Variants in CRABP2 observed in about 807,000 individuals in gnomAD.
CRABP2 encodes cellular retinoic acid binding protein 2.
A neutral mutation model predicts 17.9 loss-of-function variants in CRABP2; 20 were observed. The ratio of observed to expected loss-of-function variants is 1.12; its 90% confidence interval spans 0.79 to 1.63. The LOEUF (loss-of-function observed/expected upper bound fraction) is 1.63, where lower values mean the gene tolerates loss of function less well. CRABP2 is among the 40% of genes most tolerant of loss of function. The pLI is 0.00. For missense variants in CRABP2, 151 were observed against 168.6 expected (o/e 0.90, Z 0.58); for synonymous variants, 76 against 66.4 (o/e 1.14, Z -0.70).
At position 156,705,125 on chromosome 1, in the gene CRABP2, C is replaced by T. The variant is rs1164201132; in HGVS notation, c.70+252G>A. ...CCCCTTCCCCCAGAGGCCAACCTCG[C>T]GCTTCTGGTTTCTACGTGATTCACA... On this transcript the variant is annotated intron_variant, in intron 1 of 3. Coordinates refer to ENST00000368222, the MANE Select transcript of CRABP2 (RefSeq NM_001878.4). The surrounding 1 kb of genome is among the most constrained non-coding windows in gnomAD (Gnocchi z 5.2). 6.6e-6 allele frequency among the ~76,000 whole-genome samples: 1 copy of T among 152,230 alleles called. No homozygotes were observed. Among genetic ancestry groups the T allele is most frequent in the African/African-American group, 2.4e-5 (1 of 41,466 alleles).
intron 1 of CRABP2, among the ~76,000 whole-genome samples, chr1:156,702,451 C>CG (rs1648064274): frequency 1.3e-5 from 2 of 149,886 alleles, no homozygotes; most frequent in African/African-American, 4.9e-5. Flanking sequence ...GGCGAGACTC[C>CG]ATCTCAAAAA....
chr1:156,704,196 A>G (rs1648126834), intron 1 of CRABP2, among the ~76,000 whole-genome samples: 1 of 152,194 alleles, frequency 6.6e-6, no homozygotes, highest in African/African-American at 2.4e-5. Flanking sequence ...AGCAAGAAAG[A>G]CTGATATGAC....
intron 1 of CRABP2, among the ~76,000 whole-genome samples, chr1:156,701,907 G>C (rs755648805): frequency 1.6e-4 from 25 of 152,066 alleles, no homozygotes; most frequent in African/African-American, 2.7e-4. Flanking sequence ...ACAAGGCCAA[G>C]GCAGGTGGAT....
chr1:156,702,319 C>T (rs901450159), intron 1 of CRABP2, among the ~76,000 whole-genome samples: 1 of 151,678 alleles, frequency 6.6e-6, no homozygotes, highest in Middle Eastern at 3.4e-3. Flanking sequence ...GGCATAGTGG[C>T]GCGCACCTGT....
chr1:156,699,935 TAGA>T lies in CRABP2; in HGVS notation c.*88_*90del. 2 of 1,384,228 alleles carry T rather than the reference TAGA, an allele frequency of 1.4e-6. No homozygotes were observed. The highest frequency in any genetic ancestry group is 2.0e-6 in the Non-Finnish European group (2 of 998,476). The allele number at this position is 1,384,228 out of a possible 1,614,324, so 85.7% of individuals were successfully genotyped here. A position where few individuals can be genotyped will look rare whatever the true frequency, so the allele number is the denominator to read the frequency against. On this transcript the variant is annotated 3_prime_UTR_variant, in exon 4 of 4. Coordinates refer to ENST00000368222, the MANE Select transcript of CRABP2 (RefSeq NM_001878.4). ...GACTGGGGTAAGGGGAGCGCTATCC[TAGA>T]AGGAGGGGGTGGGACGGAGGGGGCA...
At chr1:156,701,651 G>A (rs1167882360) in intron 1 of CRABP2, among the ~76,000 whole-genome samples, 1 of 152,112 alleles carries the variant, frequency 6.6e-6, no homozygotes, top group Non-Finnish European at 1.5e-5. Flanking sequence ...AGCAATGAAA[G>A]AGAGCAGGGG....
Position 156,700,078 on chromosome 1 carries a change from T to C in CRABP2, c.367-2A>G. On this transcript the variant is annotated splice_acceptor_variant, in intron 3 of 3. Transcript: ENST00000368222. LOFTEE classifies it high-confidence loss of function. ...CACAACGTCATCCGCCGTCATGGTC[T>C]GGAAGGACAGAAGTAGTTGTTAGCC... 1 of 1,613,478 alleles carries C rather than the reference T, an allele frequency of 6.2e-7. No individual in the cohort carries two copies. Among genetic ancestry groups the C allele is most frequent in the Non-Finnish European group, 8.5e-7 (1 of 1,179,670 alleles).
Position 156,700,017 on chromosome 1 carries a change from T to G in CRABP2, c.*9A>C, listed in dbSNP as rs754251562. The G allele has an allele frequency of 3.7e-6, 6 of 1,612,604 alleles. 1 individual carries two copies. The highest frequency in any genetic ancestry group is 5.1e-6 in the Non-Finnish European group (6 of 1,179,316). ...GGTGGGCTTCGGCCGCGGTTCTACC[T>G]GTGGCCACTCACTCTCGGACGTAGA... On this transcript the variant is annotated 3_prime_UTR_variant, in exon 4 of 4. Coordinates refer to ENST00000368222, the MANE Select transcript of CRABP2 (RefSeq NM_001878.4).
At chr1:156,704,462 C>T (rs1205412826) in intron 1 of CRABP2, among the ~76,000 whole-genome samples, 2 of 152,224 alleles carry the variant, frequency 1.3e-5, no homozygotes, top group South Asian at 2.1e-4. Flanking sequence ...ACGTCCATCT[C>T]TCCCCCAGAG....
At chr1:156,700,424 C>T (rs1333653122) in intron 3 of CRABP2, 118 bp downstream of exon 3, 2 of 796,254 alleles carry the variant, frequency 2.5e-6, no homozygotes, top group Non-Finnish European at 4.4e-6. Flanking sequence ...GCAGTCCCAT[C>T]AGCAGGGTGC....
chr1:156,700,406 C>A, intron 3 of CRABP2, 136 bp downstream of exon 3: 1 of 737,306 alleles, frequency 1.4e-6, no homozygotes, highest in Non-Finnish European at 2.4e-6. Context: ...CACCTTAGTT[C>A]TGTTCAAGCA....
At chr1:156,703,274 G>A (rs574548717) in intron 1 of CRABP2, among the ~76,000 whole-genome samples, 6 of 152,214 alleles carry the variant, frequency 3.9e-5, no homozygotes, top group African/African-American at 1.4e-4. Flanking sequence ...TCAGCCTCGT[G>A]GATTCAGACT....
intron 1 of CRABP2, among the ~76,000 whole-genome samples, chr1:156,704,551 G>A (rs551878414): frequency 6.6e-6 from 1 of 152,306 alleles, no homozygotes; most frequent in African/African-American, 2.4e-5. Flanking sequence ...GCACACAGAA[G>A]GTGGGCTGGA....
At position 156,705,028 on chromosome 1, in the gene CRABP2, C is replaced by T. The variant is rs1360453521; in HGVS notation, c.70+349G>A. ...TCTGGATGCAGGGTTCGTGGCTCCA[C>T]CAGCCCGCAGCTTCTGAACTGCAGA... On this transcript the variant is annotated intron_variant, in intron 1 of 3. Coordinates refer to ENST00000368222, the MANE Select transcript of CRABP2 (RefSeq NM_001878.4). This position sits in a 1 kb window ranked among gnomAD's most constrained non-coding sequence, Gnocchi z 5.2. Among the ~76,000 whole-genome samples the T allele has an allele frequency of 6.6e-6, 1 of 152,214 alleles. No homozygotes were observed. The highest frequency in any genetic ancestry group is 1.5e-5 in the Non-Finnish European group (1 of 68,034).
chr1:156,699,718 C>G lies in CRABP2; in HGVS notation c.*308G>C. The G allele has an allele frequency of 2.7e-6, 1 of 366,854 alleles. No homozygotes were observed. The highest frequency in any genetic ancestry group is 5.0e-6 in the Non-Finnish European group (1 of 201,128). The allele number at this position is 366,854 out of a possible 1,614,324, so 22.7% of individuals were successfully genotyped here. A position where few individuals can be genotyped will look rare whatever the true frequency, so the allele number is the denominator to read the frequency against. On this transcript the variant is annotated 3_prime_UTR_variant, in exon 4 of 4. Coordinates refer to ENST00000368222, the MANE Select transcript of CRABP2 (RefSeq NM_001878.4). ...GGCCAGTCTTTCCTGCTCAGGCCCT[C>G]AAGTCCCCTTTAGAGAGACCCTGCT...
rs1165168842 is a variant in CRABP2, at chr1:156,705,063, G to C, written c.70+314C>G. 5.3e-5 allele frequency among the ~76,000 whole-genome samples: 8 copies of C among 152,222 alleles called. No individual in the cohort carries two copies. The highest frequency in any genetic ancestry group is 1.2e-4 in the Non-Finnish European group (8 of 68,042). ...GCTTCTGAACTGCAGAGAGCCAGGTGCCTCGGCCCGCCGAGTCCGGCCGCT... is the reference window on the plus strand; with the variant it reads ...GCTTCTGAACTGCAGAGAGCCAGGTCCCTCGGCCCGCCGAGTCCGGCCGCT... On this transcript the variant is annotated intron_variant, in intron 1 of 3. Transcript: ENST00000368222. The surrounding 1 kb of genome is among the most constrained non-coding windows in gnomAD (Gnocchi z 5.2).
chr1:156,700,744 C>A (rs1648006750), intron 2 of CRABP2, 86 bp from the exon 3 acceptor site: 4 of 1,502,438 alleles, frequency 2.7e-6, no homozygotes, highest in Non-Finnish European at 3.7e-6. Flanking sequence ...CCTTTCTAGC[C>A]CCCACCACCA....
At chr1:156,701,937 G>A (rs888462425) in intron 1 of CRABP2, among the ~76,000 whole-genome samples, 1 of 150,974 alleles carries the variant, frequency 6.6e-6, no homozygotes, top group Non-Finnish European at 1.5e-5. Flanking sequence ...TCAGGAGTTC[G>A]ATACCAGCCT....
rs534410557 is a variant in CRABP2, at chr1:156,699,976, G to A, written c.*50C>T. ...GACGGAGGGGGCAGTGAAGCAGGGC[G>A]GTGAGCATGGCCAGTGGTGGGCTTC... On this transcript the variant is annotated 3_prime_UTR_variant, in exon 4 of 4. Transcript: ENST00000368222. The A allele has an allele frequency of 1.6e-5, 25 of 1,586,404 alleles. No homozygotes were observed. The highest frequency in any genetic ancestry group is 1.3e-4 in the African/African-American group (10 of 74,286).
Sources: allele counts gnomAD v4.1 joint callset (sites outside exome capture counted in the v4.1 genomes callset), GRCh38; gene constraint gnomAD v4.1.1; non-coding constraint Gnocchi (gnomAD v3.1); transcripts MANE v1.5; gene names NCBI Gene and HGNC (gene_info 2026-07-23, HGNC 2026-07-21).